GET4: variants seen among roughly 807,000 people sequenced by gnomAD.
GET4 encodes the protein guided entry of tail-anchored proteins factor 4.
A neutral mutation model predicts 40.0 loss-of-function variants in GET4; 20 were observed. That is an observed-to-expected ratio of 0.50 (90% CI 0.35 to 0.73). GET4 has a LOEUF of 0.73. Ranked by LOEUF, GET4 falls within the 30% of genes least tolerant of loss-of-function variation. The pLI, the probability that GET4 is intolerant of heterozygous loss-of-function variation, is 0.01. For missense variants in GET4, 557 were observed against 454.0 expected, an observed-to-expected ratio of 1.23 and a Z score of -2.06; for synonymous variants, 280 against 194.6, an observed-to-expected ratio of 1.44 and a Z score of -3.65.
chr7:886,984 G>A (rs1844202609), intron 3 of GET4: 4 of 514,576 alleles, frequency 7.8e-6, no homozygotes, highest in Non-Finnish European at 1.4e-5. Flanking sequence ...CCTGTCGGGT[G>A]ACGTGCGGTT....
chr7:891,035 G>A lies in GET4; in HGVS notation c.574G>A (p.Val192Met), dbSNP rs756289903. Reference protein sequence around the residue: ...YSTSRGFRSEVDMFVAQAVLQ... With the variant: ...YSTSRGFRSEMDMFVAQAVLQ... ...CACGTCCCGCGGCTTCCGCAGCGAG[G>A]TGGACATGTTCGTGGCCCAGGCCGT... Residue 192 changes from valine (V) to methionine (M), a missense_variant, in exon 5 of 9, where the codon GTG becomes ATG. Val to Met is a conservative substitution (Grantham distance 21). Coordinates refer to ENST00000265857, the MANE Select transcript of GET4 (RefSeq NM_015949.3). 40 of 1,609,572 alleles carry A rather than the reference G, an allele frequency of 2.5e-5. No homozygotes were observed. Among genetic ancestry groups the A allele is most frequent in the Non-Finnish European group, 3.2e-5 (38 of 1,176,756 alleles).
At chr7:884,195 G>C in intron 1 of GET4, 1 of 1,302,596 alleles carries the variant, frequency 7.7e-7, no homozygotes, top group Non-Finnish European at 1.0e-6. Context: ...GCTTGCTCAG[G>C]GTCGGTGCAT....
chr7:894,021 G>T (rs768114292), intron 8 of GET4, 50 bp downstream of exon 8: 2 of 1,302,496 alleles, frequency 1.5e-6, no homozygotes, highest in Admixed American at 4.4e-5. Flanking sequence ...GGTCGGTGTG[G>T]GGTCATCATC....
At chr7:892,849 G>T (rs1301572425) in intron 6 of GET4, among the ~76,000 whole-genome samples, 1 of 151,644 alleles carries the variant, frequency 6.6e-6, no homozygotes, top group Non-Finnish European at 1.5e-5. Flanking sequence ...GTCTGGTGTG[G>T]GTAGTTGGGG....
At chr7:889,544 G>A (rs1190946985) in intron 4 of GET4, among the ~76,000 whole-genome samples, 6 of 152,212 alleles carry the variant, frequency 3.9e-5, no homozygotes, top group Non-Finnish European at 7.4e-5. Flanking sequence ...AGCGCAGTCA[G>A]GAAAGGGCCC....
In GET4 at chr7:876,753, G is replaced by T; in HGVS notation, c.108G>T (p.Lys36Asn). 2 of 1,369,518 alleles carry T rather than the reference G, an allele frequency of 1.5e-6. No individual in the cohort carries two copies. The highest frequency in any genetic ancestry group is 1.9e-6 in the Non-Finnish European group (2 of 1,047,446). 84.8% of individuals were successfully genotyped at this position (1,369,518 alleles called of 1,614,324 possible). A position where few individuals can be genotyped will look rare whatever the true frequency, so the allele number is the denominator to read the frequency against. The change falls in exon 1 of 9, where the codon AAG becomes AAT. Residue 36 changes from lysine (K) to asparagine (N), a missense_variant. Coordinates refer to ENST00000265857, the MANE Select transcript of GET4 (RefSeq NM_015949.3). ...VEGKLRASVE[K>N]GDYYEAHQMY... ...GCAAGCTGCGCGCCAGCGTCGAGAA[G>T]GGCGACTACTACGAGGCGCACCAGA...
At chr7:884,546 C>T (rs910306868) in intron 1 of GET4, 10 of 353,000 alleles carry the variant, frequency 2.8e-5, no homozygotes, top group East Asian at 7.9e-5. Context: ...CAGCACGAAG[C>T]GGTCTCCTGT....
chr7:881,369 C>T (rs906294432), intron 1 of GET4: 2 of 151,080 alleles, frequency 1.3e-5, no homozygotes, highest in South Asian at 2.1e-4. Flanking sequence ...CCCCGGCACC[C>T]GTGCATCTGC....
rs11543218 is a variant in GET4, at chr7:892,323, G to A, written c.651G>A (p.Thr217=). ...AAAGTAGCGCATCGGTGGTCTTCACGACGTACACCCAGAAGCACCCGTCCA... is the reference window on the plus strand; with the variant it reads ...AAAGTAGCGCATCGGTGGTCTTCACAACGTACACCCAGAAGCACCCGTCCA... ...KNKSSASVVF[T]TYTQKHPSIE... is the part of the protein sequence containing the mutation. The change falls in exon 6 of 9, where the codon ACG becomes ACA. Residue 217 remains threonine, a synonymous_variant. Transcript: ENST00000265857. 66,877 of 1,595,000 alleles carry A rather than the reference G, an allele frequency of 0.042. 2,084 individuals carry two copies. The highest frequency in any genetic ancestry group is 0.16 in the African/African-American group (11,842 of 74,696).
At chr7:894,984 C>T (rs192205753) in intron 8 of GET4, among the ~76,000 whole-genome samples, 25 of 151,910 alleles carry the variant, frequency 1.6e-4, no homozygotes, top group East Asian at 1.4e-3. Flanking sequence ...AATCTCTTTC[C>T]GTGAGGTGGT....
chr7:887,203 C>T, intron 3 of GET4, 167 bp from the exon 4 acceptor site: 1 of 795,640 alleles, frequency 1.3e-6, no homozygotes, highest in Non-Finnish European at 2.3e-6. Flanking sequence ...GGCGCTGGAA[C>T]TGCGGTGGGC....
In GET4 at chr7:891,822, G is replaced by A. The variant is rs539447679; in HGVS notation, c.606-456G>A. Among the ~76,000 whole-genome samples the A allele has an allele frequency of 1.2e-4, 19 of 152,330 alleles. No individual in the cohort carries two copies. The East Asian group carries it at 2.5e-3, about 20-fold the overall frequency. On this transcript the variant is annotated intron_variant, in intron 5 of 8. Transcript: ENST00000265857. ...GAGCTCCCTGGCTCTGCGCTACGCCGTGTACATGTTTTCTCTGGGCTGACA... is the reference window on the plus strand; with the variant it reads ...GAGCTCCCTGGCTCTGCGCTACGCCATGTACATGTTTTCTCTGGGCTGACA...
At chr7:891,093 C>T (rs376175295) in intron 5 of GET4, 27 bp downstream of exon 5, 207 of 1,555,338 alleles carry the variant, frequency 1.3e-4, no homozygotes, top group Non-Finnish European at 1.7e-4. Context: ...CTTCGGGTCT[C>T]GGCTTCCATT....
rs1428301934 is a variant in GET4 at position 887,525 on chromosome 7, C to G, written c.466+6C>G. The G allele has an allele frequency of 1.3e-6, 2 of 1,526,086 alleles. No homozygotes were observed. Among genetic ancestry groups the G allele is most frequent in the South Asian group, 1.3e-5 (1 of 78,172 alleles). 94.5% of individuals were successfully genotyped at this position (1,526,086 alleles called of 1,614,324 possible). On this transcript the variant is annotated splice_donor_region_variant and intron_variant, in intron 4 of 8. Transcript: ENST00000265857. ...GGCCCTCACCCTGTGGAAAGGTAGG[C>G]CTGGGGCCAGGGCAGGCGTGGGCAC...
Position 890,877 on chromosome 7 carries a change from C to T in GET4, c.467-51C>T, listed in dbSNP as rs1297064348. On this transcript the variant is annotated intron_variant, in intron 4 of 8. Coordinates refer to ENST00000265857, the MANE Select transcript of GET4 (RefSeq NM_015949.3). The stretch of plus-strand genomic sequence containing the variant: ...GGAGTGTCTTTCCCCCTTTCCTTTT[C>T]TGTGTTATATTCGTGAAATGTATTT... 11 of 1,415,022 alleles carry T rather than the reference C, an allele frequency of 7.8e-6. No individual in the cohort carries two copies. In the East Asian group the frequency reaches 1.1e-4, roughly 15 times the overall value. 87.7% of individuals were successfully genotyped at this position (1,415,022 alleles called of 1,614,324 possible).
rs544429256 is a variant in GET4 at position 892,132 on chromosome 7, G to A, written c.606-146G>A. The A allele has an allele frequency of 2.3e-4, 164 of 705,426 alleles. No individual in the cohort carries two copies. The East Asian group carries it at 2.4e-3, about 10-fold the overall frequency. 43.7% of individuals were successfully genotyped at this position (705,426 alleles called of 1,614,324 possible). A position where few individuals can be genotyped will look rare whatever the true frequency, so the allele number is the denominator to read the frequency against. ...GTGCCCTGCACATGAGGGAAGACACGCGTGAAGCACTGGGTCCCTCCATGG... is the reference window on the plus strand; with the variant it reads ...GTGCCCTGCACATGAGGGAAGACACACGTGAAGCACTGGGTCCCTCCATGG... On this transcript the variant is annotated intron_variant, in intron 5 of 8. Coordinates refer to ENST00000265857, the MANE Select transcript of GET4 (RefSeq NM_015949.3).
intron 6 of GET4, among the ~76,000 whole-genome samples, chr7:893,093 G>A (rs1439581141): frequency 6.7e-6 from 1 of 149,150 alleles, no homozygotes; most frequent in Non-Finnish European, 1.5e-5. Context: ...TTGGGTGCGG[G>A]CGTGGTGATG....
intron 1 of GET4, chr7:884,352 A>C: frequency 7.7e-7 from 1 of 1,303,684 alleles, no homozygotes; most frequent in Non-Finnish European, 1.0e-6. Flanking sequence ...ACGGCCGGTC[A>C]CAGAGTCAGT....
rs751123335 is a variant in GET4, at chr7:895,407, C to T, written c.969C>T (p.Pro323=). ...AGGAGAGCCCCAGCGACGGCAGCCC[C>T]ATCGAGCTGGACTGAACTGGCCAGG... ...DGEESPSDGS[P]IELD is the part of the protein sequence containing the mutation. The change falls in exon 9 of 9, where the codon CCC becomes CCT. Residue 323 remains proline, a synonymous_variant. Coordinates refer to ENST00000265857, the MANE Select transcript of GET4 (RefSeq NM_015949.3). 15 of 1,580,732 alleles carry T rather than the reference C, an allele frequency of 9.5e-6. No homozygotes were observed. The highest frequency in any genetic ancestry group is 1.2e-5 in the Non-Finnish European group (14 of 1,151,420).
Sources: gnomAD v4.1 joint callset for allele counts (sites outside exome capture counted in the v4.1 genomes callset) on GRCh38, gnomAD v4.1.1 for gene constraint, MANE v1.5 for transcripts, NCBI Gene and HGNC (gene_info 2026-07-23, HGNC 2026-07-21) for gene names.